RBFOX2: variants seen among roughly 807,000 people sequenced by gnomAD.
RBFOX2 encodes the protein RNA binding protein fox-1 homolog 2.
In RBFOX2, 10 loss-of-function variants were observed where a neutral mutation model predicts 49.1. The ratio of observed to expected loss-of-function variants is 0.20; its 90% CI spans 0.13 to 0.35. The LOEUF is 0.35. Among genes scored for constraint, RBFOX2 ranks in the 10% least tolerant of loss-of-function variants. The pLI is 1.00. For missense variants in RBFOX2, 323 were observed against 486.9 expected, an observed-to-expected ratio of 0.66 and a Z score of 3.17; for synonymous variants, 183 against 187.4, an observed-to-expected ratio of 0.98 and a Z score of 0.19.
At chr22:35,779,548 T>C (rs1944665595) in intron 3 of RBFOX2, among the ~76,000 whole-genome samples, 1 of 152,268 alleles carries the variant, frequency 6.6e-6, no homozygotes, top group Non-Finnish European at 1.5e-5. Flanking sequence ...AGGGCATTTA[T>C]GCTTATCCTA....
At chr22:36,012,144 A>G (rs1470417690) in intron 1 of RBFOX2, among the ~76,000 whole-genome samples, 1 of 152,242 alleles carries the variant, frequency 6.6e-6, no homozygotes, top group Non-Finnish European at 1.5e-5. Flanking sequence ...CCAGTTCTAC[A>G]TGAATCAGCT....
chr22:35,900,070 C>T (rs1603443498), intron 1 of RBFOX2, among the ~76,000 whole-genome samples: 1 of 152,290 alleles, frequency 6.6e-6, no homozygotes, highest in East Asian at 1.9e-4. Flanking sequence ...TCTGGAGCCA[C>T]ATTTTAGATG....
At chr22:35,874,325 T>C (rs2044741972) in intron 1 of RBFOX2, among the ~76,000 whole-genome samples, 1 of 152,070 alleles carries the variant, frequency 6.6e-6, no homozygotes. Context: ...TTTCAGTATG[T>C]TGAGCGGAAA....
At chr22:35,911,046 A>G (rs1330144976) in intron 1 of RBFOX2, among the ~76,000 whole-genome samples, 1 of 152,192 alleles carries the variant, frequency 6.6e-6, no homozygotes. Flanking sequence ...CTAGGAGGAG[A>G]TAAAACCCTA....
intron 1 of RBFOX2, chr22:36,000,413 T>A (rs551356131): frequency 1.3e-5 from 2 of 152,356 alleles, no homozygotes; most frequent in South Asian, 4.1e-4. Context: ...ACACACACTG[T>A]ATCCAAGGAG....
At chr22:35,929,746 A>G (rs2052131360) in intron 1 of RBFOX2, among the ~76,000 whole-genome samples, 1 of 152,136 alleles carries the variant, frequency 6.6e-6, no homozygotes. Flanking sequence ...TCGGCCTCCC[A>G]AAGTACTGGT....
intron 4 of RBFOX2, among the ~76,000 whole-genome samples, chr22:35,770,785 AG>A (rs763861500): frequency 3.3e-5 from 5 of 152,200 alleles, no homozygotes; most frequent in East Asian, 1.9e-4. Context: ...CAAATGTCAA[AG>A]TTTAACATTC....
chr22:35,938,905 A>T, upstream of RBFOX2: 1 of 1,611,562 alleles, frequency 6.2e-7, no homozygotes, highest in Non-Finnish European at 8.5e-7. Flanking sequence ...GTTCTATGAG[A>T]AAGACAAGAA....
At chr22:35,747,913 G>A (rs944685859) in intron 9 of RBFOX2, 3 of 152,070 alleles carry the variant, frequency 2.0e-5, no homozygotes, top group Non-Finnish European at 4.4e-5. Flanking sequence ...ATTTACTTCT[G>A]TATCATTTCT....
intron 1 of RBFOX2, among the ~76,000 whole-genome samples, chr22:35,837,849 A>G (rs1957966772): frequency 1.3e-5 from 2 of 152,116 alleles, no homozygotes; most frequent in Non-Finnish European, 2.9e-5. Context: ...TATTTCTTCT[A>G]CTTCATTCCT....
chr22:35,812,981 G>A (rs989252742), intron 1 of RBFOX2, among the ~76,000 whole-genome samples: 68 of 152,204 alleles, frequency 4.5e-4, no homozygotes, highest in African/African-American at 1.5e-3. Context: ...TCCACTTGTA[G>A]CCTAGGCACT....
intron 1 of RBFOX2, among the ~76,000 whole-genome samples, chr22:35,977,172 A>T (rs1026802304): frequency 6.6e-6 from 1 of 152,096 alleles, no homozygotes; most frequent in South Asian, 2.1e-4. Context: ...CTCATTTTTT[A>T]AAAAAACAAC....
At chr22:35,982,699 G>C (rs954561086) in intron 1 of RBFOX2, among the ~76,000 whole-genome samples, 1 of 151,890 alleles carries the variant, frequency 6.6e-6, no homozygotes, top group African/African-American at 2.4e-5. Context: ...CATGTTGAGT[G>C]CAACAGTTAT....
intron 1 of RBFOX2, among the ~76,000 whole-genome samples, chr22:35,960,315 T>C (rs904751962): frequency 6.6e-6 from 1 of 152,126 alleles, no homozygotes; most frequent in Non-Finnish European, 1.5e-5. Flanking sequence ...ATTTTACACA[T>C]GAGGAAGCCA....
At chr22:35,998,123 T>C (rs1268154509) in intron 1 of RBFOX2, 3 of 152,212 alleles carry the variant, frequency 2.0e-5, no homozygotes, top group Non-Finnish European at 4.4e-5. Flanking sequence ...CCTTTCCAAG[T>C]GTACAGCAAA....
intron 1 of RBFOX2, among the ~76,000 whole-genome samples, chr22:35,838,353 T>C (rs1481859450): frequency 1.3e-5 from 2 of 150,964 alleles, no homozygotes; most frequent in South Asian, 4.2e-4. Flanking sequence ...AACACAGAAA[T>C]AGTCCAGAAT....
At chr22:35,855,787 G>T (rs977981480) in intron 1 of RBFOX2, among the ~76,000 whole-genome samples, 7 of 152,052 alleles carry the variant, frequency 4.6e-5, no homozygotes, top group African/African-American at 1.7e-4. Context: ...CCCACTGGGA[G>T]GCTCAGGCAG....
intron 1 of RBFOX2, chr22:35,998,459 C>T (rs1368660980): frequency 1.3e-5 from 2 of 152,230 alleles, no homozygotes; most frequent in Non-Finnish European, 2.9e-5. Flanking sequence ...TCACCGCAAC[C>T]TCTGCCTCCC....
chr22:35,976,229 CCT>C (rs1411729681), intron 1 of RBFOX2, among the ~76,000 whole-genome samples: 4 of 152,166 alleles, frequency 2.6e-5, no homozygotes, highest in African/African-American at 4.8e-5. Context: ...GTTAAATCCC[CCT>C]GACTCCTTAT....
Sources: gnomAD v4.1 joint callset for allele counts (sites outside exome capture counted in the v4.1 genomes callset) on GRCh38, gnomAD v4.1.1 for gene constraint, MANE v1.5 for transcripts, NCBI Gene and HGNC (gene_info 2026-07-23, HGNC 2026-07-21) for gene names.